KIF21A: variants seen among roughly 807,000 people sequenced by gnomAD.
The protein encoded by KIF21A is kinesin family member 21A, also known as kinesin-like protein KIF21A.
Under a neutral mutation model 202.9 loss-of-function variants are expected in KIF21A, and 114 were observed. That is an observed-to-expected ratio of 0.56 (90% CI 0.48 to 0.66). The LOEUF (loss-of-function observed/expected upper bound fraction) is 0.66. Ranked by LOEUF, KIF21A falls within the 30% of genes least tolerant of loss-of-function variation. KIF21A has a pLI of 0.00. For synonymous variants in KIF21A, 667 were observed against 670.8 expected (o/e 0.99, Z 0.09); for missense variants, 1,677 against 1,994.9 (o/e 0.84, Z 3.04).
chr12:39,405,276 C>T (rs1228446138), intron 1 of KIF21A, among the ~76,000 whole-genome samples: 1 of 151,822 alleles, frequency 6.6e-6, no homozygotes, highest in African/African-American at 2.4e-5. Flanking sequence ...CTCTTGGACC[C>T]GGGAGGCAGA....
intron 6 of KIF21A, among the ~76,000 whole-genome samples, chr12:39,365,902 A>G (rs900951657): frequency 2.0e-5 from 3 of 152,124 alleles, no homozygotes; most frequent in Non-Finnish European, 4.4e-5. Context: ...CCCAGCTTCT[A>G]TGAAGTGGGA....
At chr12:39,373,464 G>T (rs1269165304) in intron 1 of KIF21A, among the ~76,000 whole-genome samples, 2 of 152,094 alleles carry the variant, frequency 1.3e-5, no homozygotes, top group Non-Finnish European at 2.9e-5. Flanking sequence ...TCTCCTGAAA[G>T]CTACCTCATT....
intron 11 of KIF21A, among the ~76,000 whole-genome samples, chr12:39,351,314 G>C (rs1399142560): frequency 6.6e-6 from 1 of 151,948 alleles, no homozygotes; most frequent in Non-Finnish European, 1.5e-5. Flanking sequence ...ATATTTAAGA[G>C]ACCAAATGAC....
At chr12:39,421,473 AC>A (rs1344273235) in intron 1 of KIF21A, among the ~76,000 whole-genome samples, 1 of 152,028 alleles carries the variant, frequency 6.6e-6, no homozygotes, top group Non-Finnish European at 1.5e-5. Flanking sequence ...CAGGTGAATA[AC>A]CTGAGGGCAG....
At position 39,366,425 on chromosome 12, in the gene KIF21A, T is replaced by C. The variant is rs1435583234; in HGVS notation, c.828A>G (p.Ala276=). ...CAGTACGCTTCAGTCTTTCAGATCC[T>C]GCGAGATCAACAAAATGGAACTTTG... The part of the protein sequence containing the change: ...LTAKFHFVDL[A]GSERLKRTGA... Residue 276 remains alanine, a synonymous_variant, in exon 6 of 38, where the codon GCA becomes GCG. Transcript: ENST00000361418. 1 of 1,613,976 alleles carries C rather than the reference T, an allele frequency of 6.2e-7. No individual in the cohort carries two copies. Among genetic ancestry groups the C allele is most frequent in the East Asian group, 2.2e-5 (1 of 44,884 alleles).
intron 11 of KIF21A, 50 bp downstream of exon 11, chr12:39,351,727 A>G (rs1394252244): frequency 8.8e-7 from 1 of 1,136,538 alleles, no homozygotes. Flanking sequence ...AAATTAAAAT[A>G]CCCTGAAAAG....
intron 1 of KIF21A, among the ~76,000 whole-genome samples, chr12:39,439,161 C>T (rs1342291147): frequency 1.3e-5 from 2 of 152,124 alleles, no homozygotes; most frequent in Non-Finnish European, 2.9e-5. Flanking sequence ...TGCATATCCA[C>T]TCTAAAACCA....
Position 39,332,764 on chromosome 12 carries a change from A to G in KIF21A, c.2703-20T>C. ...TTTTTCCTATAATCATATAAAACAG[A>G]CAAGCTCAATTACTTATGCACTTAT... is the stretch of plus-strand genomic sequence containing the variant. On this transcript the variant is annotated intron_variant, in intron 19 of 37. Transcript: ENST00000361418. The G allele has an allele frequency of 6.2e-7, 1 of 1,613,736 alleles. No individual in the cohort carries two copies. The highest frequency in any genetic ancestry group is 1.1e-5 in the South Asian group (1 of 91,050).
intron 7 of KIF21A, among the ~76,000 whole-genome samples, chr12:39,362,849 T>G (rs1390680801): frequency 2.0e-5 from 3 of 152,196 alleles, no homozygotes; most frequent in African/African-American, 7.2e-5. Context: ...ATAAATTACT[T>G]AACCTCTCTA....
chr12:39,321,532 T>C (rs1945258745), intron 27 of KIF21A: 1 of 152,230 alleles, frequency 6.6e-6, no homozygotes, highest in Non-Finnish European at 1.5e-5. Context: ...TAAACTATTC[T>C]GGTTAGCAAT....
In KIF21A at chr12:39,355,691, C is replaced by T. The variant is rs180828916; in HGVS notation, c.1469+1141G>A. On this transcript the variant is annotated intron_variant, in intron 10 of 37. Transcript: ENST00000361418. ...GTGCCTCAAAGGTCTCTACCAAAAA[C>T]ATGAAGCATGAACAATTATATATAT... Among the ~76,000 whole-genome samples the T allele has an allele frequency of 8.6e-3, 831 of 96,486 alleles. 6 individuals are homozygous for T. The highest frequency in any genetic ancestry group is 0.013 in the Non-Finnish European group (700 of 52,498). 63.3% of individuals were successfully genotyped at this position (96,486 alleles called of 152,430 possible). A position where few individuals can be genotyped will look rare whatever the true frequency, so the allele number is the denominator to read the frequency against.
chr12:39,344,120 A>G (rs1238043683), intron 12 of KIF21A, among the ~76,000 whole-genome samples: 5 of 152,216 alleles, frequency 3.3e-5, no homozygotes, highest in African/African-American at 4.8e-5. Context: ...GTGCTTGAAG[A>G]AAAGTAGGAA....
At chr12:39,396,105 C>G (rs1018406020) in intron 1 of KIF21A, among the ~76,000 whole-genome samples, 5 of 152,128 alleles carry the variant, frequency 3.3e-5, no homozygotes, top group Non-Finnish European at 7.4e-5. Flanking sequence ...AACCTGACCT[C>G]CGGACCAGTG....
intron 1 of KIF21A, among the ~76,000 whole-genome samples, chr12:39,413,462 A>G (rs1953280853): frequency 1.3e-5 from 2 of 152,252 alleles, no homozygotes; most frequent in African/African-American, 4.8e-5. Context: ...GGACAACAAG[A>G]AAGTGTGTCA....
intron 1 of KIF21A, among the ~76,000 whole-genome samples, chr12:39,426,078 A>G (rs1954720956): frequency 1.3e-5 from 2 of 152,332 alleles, no homozygotes; most frequent in East Asian, 1.9e-4. Context: ...TCGGTCTACC[A>G]AGACAAAACT....
intron 17 of KIF21A, 126 bp from the exon 18 acceptor site, chr12:39,333,406 A>G: frequency 1.4e-6 from 1 of 713,936 alleles, no homozygotes; most frequent in South Asian, 1.6e-5. Flanking sequence ...TTGAGTCAAC[A>G]ACCTTGTATA....
chr12:39,437,748 G>A (rs1039747408), intron 1 of KIF21A, among the ~76,000 whole-genome samples: 2 of 152,170 alleles, frequency 1.3e-5, no homozygotes, highest in African/African-American at 2.4e-5. Flanking sequence ...GACAACATAC[G>A]TCACGTGTGT....
At chr12:39,311,102 T>C (rs1329679202) in intron 32 of KIF21A, among the ~76,000 whole-genome samples, 1 of 152,010 alleles carries the variant, frequency 6.6e-6, no homozygotes, top group Non-Finnish European at 1.5e-5. Flanking sequence ...CTCTTTCCCA[T>C]ATTGTATATT....
intron 7 of KIF21A, among the ~76,000 whole-genome samples, chr12:39,361,522 CT>C (rs541860250): frequency 0.13 from 17,585 of 131,330 alleles, 922 homozygotes; most frequent in African/African-American, 0.21. Context: ...AACTTTCTTT[CT>C]TTTTTTTTTT....
Sources: allele counts gnomAD v4.1 joint callset (sites outside exome capture counted in the v4.1 genomes callset), GRCh38; gene constraint gnomAD v4.1.1; transcripts MANE v1.5; gene names NCBI Gene and HGNC (gene_info 2026-07-23, HGNC 2026-07-21).